Variants in AZIN1 observed in about 807,000 individuals in gnomAD.
AZIN1 encodes antizyme inhibitor 1.
AZIN1 carries 12 observed loss-of-function variants against 47.4 expected under a neutral mutation model. The ratio of observed to expected loss-of-function variants is 0.25; its 90% CI spans 0.16 to 0.41. The LOEUF is 0.41. Ranked by LOEUF, AZIN1 falls within the 10% of genes least tolerant of loss-of-function variation. The pLI is 1.00. For missense variants in AZIN1, 410 were observed against 532.4 expected, an observed-to-expected ratio of 0.77 and a Z score of 2.26; for synonymous variants, 155 against 176.3, an observed-to-expected ratio of 0.88 and a Z score of 0.96.
At chr8:102,828,757 C>A in intron 11 of AZIN1, 79 bp from the exon 12 acceptor site, 1 of 864,768 alleles carries the variant, frequency 1.2e-6, no homozygotes, top group South Asian at 1.6e-5. Flanking sequence ...GATAATAAAA[C>A]AGGATTATAA....
At chr8:102,862,950 A>T (rs1402490505) in intron 1 of AZIN1, among the ~76,000 whole-genome samples, 1 of 152,224 alleles carries the variant, frequency 6.6e-6, no homozygotes, top group East Asian at 1.9e-4. Flanking sequence ...GTAGTTGATA[A>T]GCCACCCGTC....
chr8:102,862,383 C>G lies in AZIN1; in HGVS notation c.-234+1424G>C, dbSNP rs140961133. Among the ~76,000 whole-genome samples, 959 of 152,228 alleles carry G rather than the reference C, an allele frequency of 6.3e-3. 11 individuals carry two copies. The highest frequency in any genetic ancestry group is 0.022 in the African/African-American group (896 of 41,538). On this transcript the variant is annotated intron_variant, in intron 1 of 11. Transcript: ENST00000337198. The stretch of plus-strand genomic sequence containing the variant: ...TGGAAGTATAACTCTTTTTCACCTT[C>G]TGTTTGAAAACGTATGTGATAAAAC...
intron 2 of AZIN1, among the ~76,000 whole-genome samples, chr8:102,854,879 G>A (rs1332852078): frequency 6.6e-6 from 1 of 151,802 alleles, no homozygotes; most frequent in African/African-American, 2.4e-5. Context: ...AACATTAAAG[G>A]GTATGTGATA....
intron 8 of AZIN1, among the ~76,000 whole-genome samples, chr8:102,833,936 A>T (rs1811647492): frequency 6.6e-6 from 1 of 151,976 alleles, no homozygotes; most frequent in Non-Finnish European, 1.5e-5. Context: ...CTAAGTATTA[A>T]ATCATTTGTG....
At chr8:102,830,948 A>G (rs764410626) in intron 9 of AZIN1, among the ~76,000 whole-genome samples, 2 of 152,092 alleles carry the variant, frequency 1.3e-5, no homozygotes, top group Non-Finnish European at 2.9e-5. Flanking sequence ...GGATCAATAG[A>G]TCCTCTCACC....
intron 1 of AZIN1, among the ~76,000 whole-genome samples, chr8:102,862,952 C>T (rs1156765763): frequency 6.6e-6 from 1 of 152,186 alleles, no homozygotes; most frequent in Non-Finnish European, 1.5e-5. Context: ...AGTTGATAAG[C>T]CACCCGTCTA....
At chr8:102,853,424 C>T (rs569053122) in intron 2 of AZIN1, among the ~76,000 whole-genome samples, 4 of 152,282 alleles carry the variant, frequency 2.6e-5, no homozygotes, top group Admixed American at 1.3e-4. Context: ...ATTGATGGAA[C>T]CCGGGAGGTG....
chr8:102,861,990 T>G (rs1023341467), intron 1 of AZIN1, among the ~76,000 whole-genome samples: 1 of 151,648 alleles, frequency 6.6e-6, no homozygotes, highest in Non-Finnish European at 1.5e-5. Flanking sequence ...AAGCCGAGAT[T>G]GTGCCACTGC....
chr8:102,846,143 A>G (rs1450163308), intron 2 of AZIN1, among the ~76,000 whole-genome samples: 1 of 152,182 alleles, frequency 6.6e-6, no homozygotes, highest in Non-Finnish European at 1.5e-5. Flanking sequence ...CAAATACAGA[A>G]GGTCTAGCTT....
intron 1 of AZIN1, among the ~76,000 whole-genome samples, chr8:102,863,298 T>C (rs1203615100): frequency 1.3e-5 from 2 of 151,186 alleles, no homozygotes; most frequent in African/African-American, 4.9e-5. Context: ...GCTCCATTCA[T>C]AACCAGGACC....
intron 8 of AZIN1, among the ~76,000 whole-genome samples, chr8:102,833,747 G>C (rs1424458265): frequency 1.7e-5 from 2 of 116,162 alleles, no homozygotes; most frequent in African/African-American, 3.0e-5. Flanking sequence ...AATATAGAAA[G>C]ACTCAATTTT....
At position 102,834,649 on chromosome 8, in the gene AZIN1, TA is replaced by T; in HGVS notation, c.666+16del. 6.4e-7 allele frequency: 1 copy of T among 1,562,888 alleles called. No individual in the cohort carries two copies. ...GCTAAAATAAAATATCAAAATAACT[TA>T]AAAGAAAGAACTTACAGCCATGTCA... On this transcript the variant is annotated intron_variant, in intron 7 of 11. Transcript: ENST00000337198.
rs1395790597 is a variant in AZIN1 at position 102,834,340 on chromosome 8, A to T, written c.667-77T>A. The T allele has an allele frequency of 1.2e-5, 15 of 1,206,532 alleles. No homozygotes were observed. The Admixed American group carries it at 2.4e-4, about 19-fold the overall frequency. 74.7% of individuals were successfully genotyped at this position (1,206,532 alleles called of 1,614,324 possible). ...GAGAACATTTTAAAAACCCCCTCCT[A>T]GGGAGGTAAATATCTGTTCTGATCT... On this transcript the variant is annotated intron_variant, in intron 7 of 11. Coordinates refer to ENST00000337198, the MANE Select transcript of AZIN1 (RefSeq NM_148174.4).
intron 7 of AZIN1, 77 bp from the exon 8 acceptor site, chr8:102,834,340 A>G: frequency 8.3e-7 from 1 of 1,206,650 alleles, no homozygotes; most frequent in Non-Finnish European, 1.2e-6. Context: ...ACCCCCTCCT[A>G]GGGAGGTAAA....
At chr8:102,832,643 ATTTTTT>A (rs34290831) in intron 9 of AZIN1, among the ~76,000 whole-genome samples, 1 of 146,994 alleles carries the variant, frequency 6.8e-6, no homozygotes, top group Non-Finnish European at 1.5e-5. Flanking sequence ...TGGCTTTAAG[ATTTTTT>A]TTTTTTTTGA....
intron 5 of AZIN1, chr8:102,836,671 A>G: frequency 3.0e-6 from 1 of 329,700 alleles, no homozygotes; most frequent in Non-Finnish European, 5.5e-6. Flanking sequence ...ATGAAAGACG[A>G]CATTACTTTC....
At position 102,826,795 on chromosome 8, in the gene AZIN1, G is replaced by A. The variant is rs1443611059; in HGVS notation, c.*1772C>T. The A allele has an allele frequency of 6.6e-6, 1 of 152,498 alleles. No individual in the cohort carries two copies. Among genetic ancestry groups the A allele is most frequent in the Admixed American group, 6.6e-5 (1 of 15,264 alleles). 9.4% of individuals were successfully genotyped at this position (152,498 alleles called of 1,614,324 possible). A position where few individuals can be genotyped will look rare whatever the true frequency, so the allele number is the denominator to read the frequency against. ...CAACAATGCACAACATGTAAAGAAG[G>A]TAGGAAACAGTTCCCCCTCCTTGTT... On this transcript the variant is annotated 3_prime_UTR_variant, in exon 12 of 12. Transcript: ENST00000337198.
chr8:102,834,705 T>TACA lies in AZIN1; in HGVS notation c.624_626dup (p.Val209dup). The TACA allele has an allele frequency of 6.2e-7, 1 of 1,612,478 alleles. No individual in the cohort carries two copies. The highest frequency in any genetic ancestry group is 8.5e-7 in the Non-Finnish European group (1 of 1,179,056). On this transcript the variant is annotated inframe_insertion, in exon 7 of 12. Coordinates refer to ENST00000337198, the MANE Select transcript of AZIN1 (RefSeq NM_148174.4). ...CACATCGAGCATCAGATAGAGCATG[T>TACA]ACATATACTTGAGATTCTTTGCAAG...
chr8:102,849,256 G>A (rs903080553), intron 2 of AZIN1, among the ~76,000 whole-genome samples: 1 of 152,110 alleles, frequency 6.6e-6, no homozygotes, highest in African/African-American at 2.4e-5. Context: ...TTGTGCCACA[G>A]CACTCCAGCC....
Sources: gnomAD v4.1 joint callset for allele counts (sites outside exome capture counted in the v4.1 genomes callset) on GRCh38, gnomAD v4.1.1 for gene constraint, MANE v1.5 for transcripts, NCBI Gene and HGNC (gene_info 2026-07-23, HGNC 2026-07-21) for gene names.